Variants in HDHD2 observed in about 807,000 individuals in gnomAD.
The protein encoded by HDHD2 is haloacid dehalogenase-like hydrolase domain-containing protein 2.
In HDHD2, 26 loss-of-function variants were observed where a neutral mutation model predicts 24.8. That is an observed-to-expected ratio of 1.05 (90% CI 0.77 to 1.45). HDHD2 has a LOEUF of 1.45. Among genes scored for constraint, HDHD2 ranks in the 40% most tolerant of loss-of-function variants. The pLI is 0.00. For synonymous variants in HDHD2, 128 were observed against 114.9 expected, an observed-to-expected ratio of 1.11 and a Z score of -0.73; for missense variants, 299 against 313.4, an observed-to-expected ratio of 0.95 and a Z score of 0.35.
chr18:47,131,055 C>T (rs2063709088), intron 3 of HDHD2, among the ~76,000 whole-genome samples: 1 of 152,130 alleles, frequency 6.6e-6, no homozygotes, highest in Non-Finnish European at 1.5e-5. Context: ...CAGCTCACCA[C>T]AACCTCCGCC....
At chr18:47,110,408 CG>C in intron 6 of HDHD2, 1 of 985,276 alleles carries the variant, frequency 1.0e-6, no homozygotes, top group South Asian at 4.7e-5. Flanking sequence ...GCTTAAATAT[CG>C]TTAGTATAAA....
At chr18:47,149,098 T>C (rs1205990940) in intron 1 of HDHD2, 1 of 152,182 alleles carries the variant, frequency 6.6e-6, no homozygotes, top group African/African-American at 2.4e-5. Flanking sequence ...TTGGGTTATG[T>C]ATGTGGAGGG....
chr18:47,114,783 A>G (rs2063543826), intron 5 of HDHD2, among the ~76,000 whole-genome samples: 1 of 152,104 alleles, frequency 6.6e-6, no homozygotes, highest in African/African-American at 2.4e-5. Flanking sequence ...TGTTTCTCAA[A>G]AAGACATTTA....
At chr18:47,135,960 CAAGA>C (rs773933289) in intron 2 of HDHD2, among the ~76,000 whole-genome samples, 14 of 152,162 alleles carry the variant, frequency 9.2e-5, no homozygotes, top group Non-Finnish European at 1.9e-4. Context: ...CTAGGTAAAA[CAAGA>C]AAGAGCAGCA....
intron 4 of HDHD2, among the ~76,000 whole-genome samples, chr18:47,116,021 G>C (rs981987875): frequency 6.6e-6 from 1 of 152,030 alleles, no homozygotes. Context: ...TCTCACATCA[G>C]ACAAAAGGAC....
rs148519596 is a variant in HDHD2 at position 47,145,016 on chromosome 18, C to G, written c.-11+5362G>C. 7.2e-5 allele frequency among the ~76,000 whole-genome samples: 11 copies of G among 152,090 alleles called. No homozygotes were observed. The East Asian group carries it at 2.1e-3, about 29-fold the overall frequency. Reference sequence around the variant, plus strand: ...ATGTGTAAGGAACAAAAGGCAAGATCAAAAATATGAGGAGAAAACACATGA... The same window carrying G: ...ATGTGTAAGGAACAAAAGGCAAGATGAAAAATATGAGGAGAAAACACATGA... On this transcript the variant is annotated intron_variant, in intron 1 of 6. Transcript: ENST00000300605.
At chr18:47,137,109 A>C in intron 1 of HDHD2, 1 of 731,600 alleles carries the variant, frequency 1.4e-6, no homozygotes, top group Non-Finnish European at 2.6e-6. Context: ...TCTGTGGTGC[A>C]GTTTAAGATT....
intron 4 of HDHD2, among the ~76,000 whole-genome samples, chr18:47,124,719 A>C (rs919649716): frequency 6.6e-6 from 1 of 151,282 alleles, no homozygotes; most frequent in African/African-American, 2.4e-5. Flanking sequence ...AAAAAAAAAA[A>C]AAAAAAAAAC....
chr18:47,132,356 T>C (rs1056025551), intron 3 of HDHD2, among the ~76,000 whole-genome samples: 2 of 152,206 alleles, frequency 1.3e-5, no homozygotes, highest in African/African-American at 4.8e-5. Context: ...TGATGAATAT[T>C]TGGGTTGTTT....
At chr18:47,127,846 T>A (rs536614952) in intron 4 of HDHD2, among the ~76,000 whole-genome samples, 5 of 152,274 alleles carry the variant, frequency 3.3e-5, no homozygotes, top group Admixed American at 2.0e-4. Flanking sequence ...TGCAGCATAA[T>A]GTGAAGTTTG....
chr18:47,119,130 G>A (rs1599929377), intron 4 of HDHD2, among the ~76,000 whole-genome samples: 1 of 152,202 alleles, frequency 6.6e-6, no homozygotes, highest in East Asian at 1.9e-4. Flanking sequence ...TGGGCAGAAG[G>A]CCTTGCCTCG....
At chr18:47,148,796 ACTT>A (rs1599979145) in intron 1 of HDHD2, among the ~76,000 whole-genome samples, 2 of 152,350 alleles carry the variant, frequency 1.3e-5, no homozygotes, top group East Asian at 1.9e-4. Context: ...TATTTAAACA[ACTT>A]CTTAATTGTC....
At chr18:47,138,453 A>G (rs2063788436) in intron 1 of HDHD2, among the ~76,000 whole-genome samples, 1 of 152,222 alleles carries the variant, frequency 6.6e-6, no homozygotes. Flanking sequence ...CTGAAGAGAC[A>G]TGGCATCTAA....
chr18:47,150,062 C>G (rs949413394), intron 1 of HDHD2: 4 of 152,372 alleles, frequency 2.6e-5, no homozygotes, highest in African/African-American at 9.6e-5. Context: ...CCAAACTGAC[C>G]AGGAGGGACG....
At chr18:47,136,259 C>T (rs769194245) in intron 2 of HDHD2, 80 bp downstream of exon 2, 103 of 1,566,196 alleles carry the variant, frequency 6.6e-5, no homozygotes, top group Non-Finnish European at 8.4e-5. Flanking sequence ...ATCTTAAGGC[C>T]ATCCATTTAG....
intron 1 of HDHD2, among the ~76,000 whole-genome samples, chr18:47,141,065 T>C (rs1461126888): frequency 6.6e-6 from 1 of 152,220 alleles, no homozygotes; most frequent in Non-Finnish European, 1.5e-5. Flanking sequence ...AGGAATGCTT[T>C]TAGTATTTAA....
intron 4 of HDHD2, among the ~76,000 whole-genome samples, chr18:47,122,369 G>A (rs995560777): frequency 1.3e-5 from 2 of 152,078 alleles, no homozygotes; most frequent in African/African-American, 4.8e-5. Flanking sequence ...CCTGCTGTGG[G>A]GGCTGACCTA....
At chr18:47,125,548 C>T (rs1822665564) in intron 4 of HDHD2, among the ~76,000 whole-genome samples, 1 of 152,146 alleles carries the variant, frequency 6.6e-6, no homozygotes, top group African/African-American at 2.4e-5. Context: ...TACACTACTA[C>T]TATACAAAAC....
intron 4 of HDHD2, among the ~76,000 whole-genome samples, chr18:47,118,361 C>T (rs2063574149): frequency 6.6e-6 from 1 of 152,146 alleles, no homozygotes; most frequent in African/African-American, 2.4e-5. Context: ...AAATGCCCGT[C>T]AGTGATAGAC....
Sources: allele counts gnomAD v4.1 joint callset (sites outside exome capture counted in the v4.1 genomes callset), GRCh38; gene constraint gnomAD v4.1.1; transcripts MANE v1.5; gene names NCBI Gene and HGNC (gene_info 2026-07-23, HGNC 2026-07-21).